Variants in FCRL3 observed in about 807,000 individuals in gnomAD.
FCRL3 encodes Fc receptor-like protein 3.
A neutral mutation model predicts 75.0 loss-of-function variants in FCRL3; 89 were observed. The observed-to-expected ratio is 1.19, with a 90% CI of 1.00 to 1.42. FCRL3 has a LOEUF of 1.42. Among genes scored for constraint, FCRL3 ranks in the 40% most tolerant of loss-of-function variants. FCRL3 has a pLI of 0.00. For synonymous variants in FCRL3, 376 were observed against 348.5 expected, an observed-to-expected ratio of 1.08 and a Z score of -0.88; for missense variants, 946 against 880.0, an observed-to-expected ratio of 1.07 and a Z score of -0.95.
chr1:157,699,465 C>T (rs1656168961), intron 3 of FCRL3, among the ~76,000 whole-genome samples: 1 of 151,608 alleles, frequency 6.6e-6, no homozygotes, highest in African/African-American at 2.4e-5. Flanking sequence ...GCAAGTGTTT[C>T]CTTCCTGTAG....
In FCRL3 at chr1:157,696,180, A is replaced by C. The variant is rs757865879; in HGVS notation, c.992T>G (p.Leu331Arg). The change falls in exon 7 of 15, where the codon CTG becomes CGG. Residue 331 changes from leucine (L) to arginine (R), a missense_variant. Transcript: ENST00000368184. ...SWHKEGRVRS[L>R]GRKTQRSLLA... ...CAGGGAACGCTGGGTCTTTCTACCC[A>C]GGCTTCTTACTCTTCCTTCTTTGTG... 2.5e-6 allele frequency: 4 copies of C among 1,613,896 alleles called. No homozygotes were observed. In the African/African-American group the frequency reaches 5.3e-5, roughly 22 times the overall value.
At chr1:157,683,324 A>C in intron 10 of FCRL3, 80 bp from the exon 11 acceptor site, 1 of 1,531,034 alleles carries the variant, frequency 6.5e-7, no homozygotes. Context: ...TTTTTCCTAG[A>C]AATCAGATTC....
chr1:157,688,879 G>A (rs747487139), intron 10 of FCRL3, among the ~76,000 whole-genome samples: 1 of 151,976 alleles, frequency 6.6e-6, no homozygotes, highest in East Asian at 1.9e-4. Flanking sequence ...AGGCTACTTC[G>A]ACATTCAAAA....
chr1:157,677,354 G>C lies in FCRL3; in HGVS notation c.*1356C>G. The C allele has an allele frequency of 1.0e-6, 1 of 986,092 alleles. No homozygotes were observed. Among genetic ancestry groups the C allele is most frequent in the Non-Finnish European group, 1.2e-6 (1 of 830,408 alleles). The allele number at this position is 986,092 out of a possible 1,614,324, so 61.1% of individuals were successfully genotyped here. On this transcript the variant is annotated 3_prime_UTR_variant, in exon 15 of 15. Coordinates refer to ENST00000368184, the MANE Select transcript of FCRL3 (RefSeq NM_052939.4). ...TAGGGACTCCAAGAAATATTGATTA[G>C]AGGAAGATGTGGTGCTTTGAAAGGG...
chr1:157,683,691 C>CT (rs1654991101), intron 10 of FCRL3, among the ~76,000 whole-genome samples: 1 of 152,128 alleles, frequency 6.6e-6, no homozygotes, highest in Admixed American at 6.6e-5. Context: ...TAAGCTCTAC[C>CT]TTCTCTTTCT....
intron 11 of FCRL3, among the ~76,000 whole-genome samples, chr1:157,682,078 T>A (rs1408767973): frequency 2.6e-5 from 4 of 152,180 alleles, no homozygotes; most frequent in Admixed American, 1.3e-4. Context: ...TTGCCCACTT[T>A]TTGATGGGGT....
At position 157,682,923 on chromosome 1, in the gene FCRL3, A is replaced by T. The variant is rs139992758; in HGVS notation, c.1838+294T>A. Among the ~76,000 whole-genome samples, 6 of 152,350 alleles carry T rather than the reference A, an allele frequency of 3.9e-5. No homozygotes were observed. The East Asian group carries it at 1.2e-3, about 29-fold the overall frequency. ...AAGGAAATGAATGCACTGTAGCCCT[A>T]TGAAAGGTAATGCCATTAAGACATT... On this transcript the variant is annotated intron_variant, in intron 11 of 14. Coordinates refer to ENST00000368184, the MANE Select transcript of FCRL3 (RefSeq NM_052939.4).
In FCRL3 at chr1:157,695,324, C is replaced by T. The variant is rs1655809945; in HGVS notation, c.1411+5G>A. 1 of 1,610,796 alleles carries T rather than the reference C, an allele frequency of 6.2e-7. No individual in the cohort carries two copies. On this transcript the variant is annotated splice_donor_5th_base_variant and intron_variant, in intron 8 of 14. Coordinates refer to ENST00000368184, the MANE Select transcript of FCRL3 (RefSeq NM_052939.4). ...TGTTAACTGCTGTGGGTATATCTTG[C>T]TTACCTGTGACCCTGAGACTCACTC...
At chr1:157,689,441 A>G (rs1299731558) in intron 10 of FCRL3, among the ~76,000 whole-genome samples, 2 of 152,184 alleles carry the variant, frequency 1.3e-5, no homozygotes, top group Non-Finnish European at 1.5e-5. Context: ...TTTAGCTGGC[A>G]TTCAAATATA....
chr1:157,692,413 T>A (rs1655607467), intron 8 of FCRL3, among the ~76,000 whole-genome samples: 1 of 152,076 alleles, frequency 6.6e-6, no homozygotes, highest in Non-Finnish European at 1.5e-5. Flanking sequence ...TATTCTTTTG[T>A]ATTTTTAGTA....
At chr1:157,682,000 T>A (rs1021264560) in intron 11 of FCRL3, among the ~76,000 whole-genome samples, 1 of 151,898 alleles carries the variant, frequency 6.6e-6, no homozygotes, top group African/African-American at 2.4e-5. Context: ...CCAGTGATGA[T>A]GAGCATTTTT....
chr1:157,695,496 T>A lies in FCRL3; in HGVS notation c.1244A>T (p.Tyr415Phe), dbSNP rs1013875673. 3.7e-6 allele frequency: 6 copies of A among 1,613,968 alleles called. No homozygotes were observed. The highest frequency in any genetic ancestry group is 2.7e-5 in the African/African-American group (2 of 74,894). ...ESLRGSPPIL[Y>F]RFYHEDVTLG... ...GGTGACATCCTCATGATAAAATCGG[T>A]ACAGGATCGGGGGAGAGCCTCTCAG... Residue 415 changes from tyrosine (Y) to phenylalanine (F), a missense_variant, in exon 8 of 15, where the codon TAC becomes TTC. Physicochemically the swap from Tyr to Phe is conservative, Grantham distance 22. Coordinates refer to ENST00000368184, the MANE Select transcript of FCRL3 (RefSeq NM_052939.4).
rs1654734085 is a variant in FCRL3 at position 157,679,966 on chromosome 1, A to G, written c.2026+736T>C. The stretch of plus-strand genomic sequence containing the variant: ...ATTATGGGCACCAAGACAGAAATAC[A>G]TATTGAACTATGTTGTTACCATAAA... On this transcript the variant is annotated intron_variant, in intron 13 of 14. Coordinates refer to ENST00000368184, the MANE Select transcript of FCRL3 (RefSeq NM_052939.4). Among the ~76,000 whole-genome samples, 3 of 152,108 alleles carry G rather than the reference A, an allele frequency of 2.0e-5. No homozygotes were observed. The South Asian group carries it at 6.2e-4, about 32-fold the overall frequency.
chr1:157,687,785 T>A (rs1655264587), intron 10 of FCRL3, among the ~76,000 whole-genome samples: 1 of 150,906 alleles, frequency 6.6e-6, no homozygotes, highest in African/African-American at 2.4e-5. Context: ...GACTACTAGA[T>A]GGGGGAGATG....
chr1:157,680,805 A>G (rs1654788192), intron 12 of FCRL3, 35 bp from the exon 13 acceptor site: 2 of 1,596,052 alleles, frequency 1.3e-6, no homozygotes, highest in Non-Finnish European at 1.7e-6. Flanking sequence ...GTTGCAGTCA[A>G]GAGCTCATAT....
intron 6 of FCRL3, chr1:157,696,891 G>A (rs534166675): frequency 3.0e-6 from 1 of 330,564 alleles, no homozygotes; most frequent in South Asian, 1.3e-4. Context: ...TGAGAGAACC[G>A]ATCTTGTACA....
intron 4 of FCRL3, 178 bp from the exon 5 acceptor site, chr1:157,698,097 C>G (rs1050855767): frequency 2.6e-6 from 2 of 767,234 alleles, no homozygotes; most frequent in Middle Eastern, 3.8e-4. Flanking sequence ...GAACCAATTC[C>G]CAGAAAATGT....
intron 10 of FCRL3, among the ~76,000 whole-genome samples, chr1:157,689,148 G>A (rs913781661): frequency 6.6e-6 from 1 of 152,064 alleles, no homozygotes; most frequent in African/African-American, 2.4e-5. Context: ...TTGTACAGGA[G>A]GTTCTAACCA....
Position 157,700,755 on chromosome 1 carries a change from T to A in FCRL3, c.-190A>T. On this transcript the variant is annotated 5_prime_UTR_variant, in exon 1 of 15. Coordinates refer to ENST00000368184, the MANE Select transcript of FCRL3 (RefSeq NM_052939.4). ...ATCAGCTGCAGTCTCTCAGGAGTAA[T>A]GTCTCCAAGACTGTGCCTGGGTTCT... is the stretch of plus-strand genomic sequence containing the variant. The A allele has an allele frequency of 7.2e-7, 1 of 1,379,782 alleles. No homozygotes were observed. The allele number at this position is 1,379,782 out of a possible 1,614,324, so 85.5% of individuals were successfully genotyped here. A position where few individuals can be genotyped will look rare whatever the true frequency, so the allele number is the denominator to read the frequency against.
Sources: allele counts gnomAD v4.1 joint callset (sites outside exome capture counted in the v4.1 genomes callset), GRCh38; gene constraint gnomAD v4.1.1; transcripts MANE v1.5; gene names NCBI Gene and HGNC (gene_info 2026-07-23, HGNC 2026-07-21).